C4BPA: variants seen among roughly 807,000 people sequenced by gnomAD.
The protein encoded by C4BPA is C4b-binding protein alpha chain.
A neutral mutation model predicts 63.7 loss-of-function variants in C4BPA; 31 were observed. The ratio of observed to expected loss-of-function variants is 0.49; its 90% CI spans 0.37 to 0.66. C4BPA has a LOEUF of 0.66. C4BPA is among the 30% of genes least tolerant of loss of function. The pLI, the probability that C4BPA is intolerant of heterozygous loss-of-function variation, is 0.00. For synonymous variants in C4BPA, 259 were observed against 254.7 expected, an observed-to-expected ratio of 1.02 and a Z score of -0.16; for missense variants, 572 against 723.3, an observed-to-expected ratio of 0.79 and a Z score of 2.40.
intron 9 of C4BPA, among the ~76,000 whole-genome samples, chr1:207,140,134 C>T (rs1308402083): frequency 6.6e-6 from 1 of 152,172 alleles, no homozygotes; most frequent in African/African-American, 2.4e-5. Flanking sequence ...TTTCTGACTG[C>T]TATGGCTATC....
At chr1:207,105,647 T>A (rs1280295660) in intron 1 of C4BPA, among the ~76,000 whole-genome samples, 3 of 151,036 alleles carry the variant, frequency 2.0e-5, no homozygotes, top group African/African-American at 7.3e-5. Context: ...GTAAGTGATA[T>A]AATTGAGAGC....
intron 10 of C4BPA, 120 bp downstream of exon 10, chr1:207,141,396 A>G: frequency 2.8e-6 from 2 of 716,146 alleles, no homozygotes; most frequent in South Asian, 4.8e-5. Context: ...ATTTATATTA[A>G]ATAATCAATA....
chr1:207,106,024 C>T (rs2102325089), intron 1 of C4BPA, among the ~76,000 whole-genome samples: 1 of 152,238 alleles, frequency 6.6e-6, no homozygotes. Context: ...GGTTTAATGT[C>T]ATTATTTTAG....
In C4BPA at chr1:207,126,730, C is replaced by T; in HGVS notation, c.724C>T (p.Pro242Ser). ...TTCTTTAGAAATCACCTGTCGCAAG[C>T]CAGATGTTTCACATGGGGAAATGGT... is the stretch of plus-strand genomic sequence containing the variant. Reference protein sequence around the residue: ...PTCEKITCRKPDVSHGEMVSG... With the variant: ...PTCEKITCRKSDVSHGEMVSG... The change falls in exon 7 of 12, where the codon CCA becomes TCA. Residue 242 changes from proline (P) to serine (S), a missense_variant. Physicochemically the swap from Pro to Ser is moderately conservative, Grantham distance 74 (BLOSUM62 -1). Transcript: ENST00000367070. 6.2e-7 allele frequency: 1 copy of T among 1,608,786 alleles called. No individual in the cohort carries two copies.
At chr1:207,124,423 G>A (rs1415229860) in intron 6 of C4BPA, 57 bp downstream of exon 6, 29 of 1,350,088 alleles carry the variant, frequency 2.1e-5, no homozygotes, top group Admixed American at 4.0e-5. Context: ...GTTTAAAAGA[G>A]AAAGAAAGGT....
intron 3 of C4BPA, among the ~76,000 whole-genome samples, chr1:207,114,952 C>T (rs17020983): frequency 0.2 from 30,224 of 152,116 alleles, 5,311 homozygotes; most frequent in African/African-American, 0.48. Flanking sequence ...AAGAACCTCA[C>T]TCAAAATATT....
chr1:207,118,157 GTCTGTCTGTCTA>G lies in C4BPA; in HGVS notation c.428+2646_428+2657del, dbSNP rs148135564. Among the ~76,000 whole-genome samples, 479 of 99,428 alleles carry G rather than the reference GTCTGTCTGTCTA, an allele frequency of 4.8e-3. 2 individuals are homozygous for G. Among genetic ancestry groups the G allele is most frequent in the Middle Eastern group, 8.8e-3 (2 of 226 alleles). The allele number at this position is 99,428 out of a possible 152,430, so 65.2% of individuals were successfully genotyped here. A position where few individuals can be genotyped will look rare whatever the true frequency, so the allele number is the denominator to read the frequency against. Reference sequence around the variant, plus strand: ...TATCTGTCTGTCTGTCTGTCTGTCTGTCTGTCTGTCTATCTATCTATATCTATCTATCTATCA... The same window carrying G: ...TATCTGTCTGTCTGTCTGTCTGTCTGTCTATCTATATCTATCTATCTATCA... On this transcript the variant is annotated intron_variant, in intron 4 of 11. Transcript: ENST00000367070.
intron 7 of C4BPA, 89 bp from the exon 8 acceptor site, chr1:207,131,457 A>T: frequency 1.2e-6 from 1 of 854,414 alleles, no homozygotes; most frequent in Non-Finnish European, 1.8e-6. Flanking sequence ...TGAACGTATG[A>T]CCCCCTTTGA....
intron 8 of C4BPA, among the ~76,000 whole-genome samples, chr1:207,132,880 C>A (rs550510002): frequency 6.6e-6 from 1 of 151,942 alleles, no homozygotes; most frequent in African/African-American, 2.4e-5. Context: ...AAAAAATTAG[C>A]GGGATGTGGT....
At position 207,143,856 on chromosome 1, in the gene C4BPA, T is replaced by C; in HGVS notation, c.1483T>C (p.Ser495Pro). The C allele has an allele frequency of 6.2e-7, 1 of 1,613,616 alleles. No individual in the cohort carries two copies. The highest frequency in any genetic ancestry group is 1.1e-5 in the South Asian group (1 of 91,056). ...RKPELVNGRLSVDKDQYVEPE... is the reference protein window; with the variant it reads ...RKPELVNGRLPVDKDQYVEPE... ...ACCAGAATTAGTGAATGGAAGGTTG[T>C]CTGTGGATAAGGATCAGTATGTTGA... Residue 495 changes from serine to proline, a missense_variant, in exon 11 of 12, where the codon TCT becomes CCT. By Grantham distance (74) the Ser-to-Pro change is moderately conservative. Coordinates refer to ENST00000367070, the MANE Select transcript of C4BPA (RefSeq NM_000715.4).
In C4BPA at chr1:207,114,201, C is replaced by T; in HGVS notation, c.244C>T (p.Leu82Phe). 1 of 1,613,786 alleles carries T rather than the reference C, an allele frequency of 6.2e-7. No individual in the cohort carries two copies. Among genetic ancestry groups the T allele is most frequent in the Non-Finnish European group, 8.5e-7 (1 of 1,179,768 alleles). The change falls in exon 3 of 12, where the codon CTC becomes TTC. Residue 82 changes from leucine (L) to phenylalanine (F), a missense_variant. Transcript: ENST00000367070. The stretch of plus-strand genomic sequence containing the variant: ...TGGAACTACTCTGAAATACACCTGC[C>T]TCCCTGGCTACGTCAGATCCCATTC... ...KTGTTLKYTC[L>F]PGYVRSHSTQ...
chr1:207,144,826 A>G lies in C4BPA; in HGVS notation c.*109A>G. 1.8e-6 allele frequency: 1 copy of G among 565,196 alleles called. No individual in the cohort carries two copies. 35.0% of individuals were successfully genotyped at this position (565,196 alleles called of 1,614,324 possible). A position where few individuals can be genotyped will look rare whatever the true frequency, so the allele number is the denominator to read the frequency against. ...CAATTTGGCAGTGATATTCATCATA[A>G]TAAATATCTAGAAATGATAATTTGC... is the stretch of plus-strand genomic sequence containing the variant. On this transcript the variant is annotated 3_prime_UTR_variant, in exon 12 of 12. Transcript: ENST00000367070.
rs1374785650 is a variant in C4BPA at position 207,119,090 on chromosome 1, T to G, written c.428+3575T>G. Among the ~76,000 whole-genome samples the G allele has an allele frequency of 1.2e-4, 4 of 32,170 alleles. 2 individuals are homozygous for G. The highest frequency in any genetic ancestry group is 2.4e-4 in the African/African-American group (4 of 16,486). The allele number at this position is 32,170 out of a possible 152,430, so 21.1% of individuals were successfully genotyped here. A position where few individuals can be genotyped will look rare whatever the true frequency, so the allele number is the denominator to read the frequency against. ...CCACCATTGTAAACTGGAATTCATC[T>G]TGTTCTTTCACTGCCCCTTAGCCTT... On this transcript the variant is annotated intron_variant, in intron 4 of 11. Coordinates refer to ENST00000367070, the MANE Select transcript of C4BPA (RefSeq NM_000715.4).
chr1:207,118,171 C>CTA (rs1684844978), intron 4 of C4BPA, among the ~76,000 whole-genome samples: 9 of 126,702 alleles, frequency 7.1e-5, no homozygotes, highest in South Asian at 2.7e-4. Flanking sequence ...GTCTGTCTAT[C>CTA]TATCTATATC....
chr1:207,105,528 GT>G (rs1313554689), intron 1 of C4BPA, among the ~76,000 whole-genome samples: 1 of 141,962 alleles, frequency 7.0e-6, no homozygotes, highest in Non-Finnish European at 1.5e-5. Flanking sequence ...TTGCACTCTA[GT>G]CTGGGCAACA....
intron 1 of C4BPA, among the ~76,000 whole-genome samples, chr1:207,111,682 CTTAGATATACATTACA>C (rs57187541): frequency 0.11 from 16,807 of 152,090 alleles, 1,492 homozygotes; most frequent in African/African-American, 0.25. Flanking sequence ...TGAACATTAC[CTTAGATATACATTACA>C]TTACAGTCCT....
At chr1:207,117,763 C>T (rs1684834954) in intron 4 of C4BPA, among the ~76,000 whole-genome samples, 1 of 152,072 alleles carries the variant, frequency 6.6e-6, no homozygotes, top group Admixed American at 6.6e-5. Flanking sequence ...TGTTCTTTTC[C>T]TTCAGGTACA....
In C4BPA at chr1:207,144,590, T is replaced by C. The variant is rs140703266; in HGVS notation, c.1667T>C (p.Met556Thr). The C allele has an allele frequency of 8.9e-5, 143 of 1,613,262 alleles. 1 individual carries two copies. The East Asian group carries it at 2.7e-3, about 30-fold the overall frequency. The part of the protein sequence containing the change: ...CEQVLTGKRL[M>T]QCLPNPEDVK... ...CAAGTGCTCACAGGCAAAAGACTCA[T>C]GCAGTGTCTCCCAAACCCAGAGGAT... Residue 556 changes from methionine to threonine, a missense_variant, in exon 12 of 12, where the codon ATG becomes ACG. This residue lies in a region of C4BPA where 465 missense variants were observed against 629.4 expected (regional missense o/e 0.74). Transcript: ENST00000367070.
chr1:207,137,818 A>T (rs999194332), intron 9 of C4BPA, among the ~76,000 whole-genome samples: 7 of 152,264 alleles, frequency 4.6e-5, no homozygotes, highest in Admixed American at 2.6e-4. Context: ...GCGTTTCACC[A>T]TGTTGGCCAG....
Sources: gnomAD v4.1 joint callset for allele counts (sites outside exome capture counted in the v4.1 genomes callset) on GRCh38, gnomAD v4.1.1 for gene constraint, gnomAD v4.1.1 regional missense constraint, MANE v1.5 for transcripts, NCBI Gene and HGNC (gene_info 2026-07-23, HGNC 2026-07-21) for gene names.